Variants in SERPINB6 observed in about 807,000 individuals in gnomAD.
SERPINB6 encodes serpin B6.
A neutral mutation model predicts 26.1 loss-of-function variants in SERPINB6; 16 were observed. That is an observed-to-expected ratio of 0.61 (90% CI 0.42 to 0.93). SERPINB6 has a LOEUF of 0.93. Among genes scored for constraint, SERPINB6 ranks in the 40% least tolerant of loss-of-function variants. SERPINB6 has a pLI of 0.00. For synonymous variants in SERPINB6, 174 were observed against 176.6 expected (o/e 0.99, Z 0.11); for missense variants, 420 against 478.0 (o/e 0.88, Z 1.13).
At chr6:2,954,759 C>G (rs367576551) in intron 3 of SERPINB6, 50 bp from the exon 4 acceptor site, 1 of 1,220,946 alleles carries the variant, frequency 8.2e-7, no homozygotes, top group Non-Finnish European at 1.2e-6. Flanking sequence ...ATGATGAACA[C>G]CAACGGCCTA....
intron 5 of SERPINB6, among the ~76,000 whole-genome samples, chr6:2,952,178 G>A (rs1178797633): frequency 6.6e-6 from 1 of 152,052 alleles, no homozygotes; most frequent in Non-Finnish European, 1.5e-5. Flanking sequence ...TTTTGCCAGG[G>A]GAAAATAGCA....
intron 1 of SERPINB6, chr6:2,961,807 G>C: frequency 2.7e-5 from 27 of 984,334 alleles, no homozygotes; most frequent in Non-Finnish European, 3.3e-5. Flanking sequence ...GCTGGCCAGG[G>C]GAAGGTCCCA....
chr6:2,951,940 G>C (rs1206590343), intron 5 of SERPINB6, among the ~76,000 whole-genome samples: 1 of 152,188 alleles, frequency 6.6e-6, no homozygotes, highest in African/African-American at 2.4e-5. Flanking sequence ...AGCCAGCTCA[G>C]CCATCTTGTG....
rs1491028570 is a variant in SERPINB6, at chr6:2,951,400, AAT to A, written c.573+1642_573+1643del. On this transcript the variant is annotated intron_variant, in intron 5 of 6. Coordinates refer to ENST00000380539, the MANE Select transcript of SERPINB6 (RefSeq NM_004568.6). ...AAACTCTGTCTTGGAAAAAATAAAAAATAAAAAAAAAAAATAAGCATGGCTGT... is the reference window on the plus strand; with the variant it reads ...AAACTCTGTCTTGGAAAAAATAAAAAAAAAAAAAAAAATAAGCATGGCTGT... Among the ~76,000 whole-genome samples the A allele has an allele frequency of 1.1e-3, 165 of 150,666 alleles. 2 individuals are homozygous for A. Among genetic ancestry groups the A allele is most frequent in the African/African-American group, 3.7e-3 (150 of 40,790 alleles).
chr6:2,959,356 T>C lies in SERPINB6; in HGVS notation c.-10-14A>G. ...ATGATGGCAGACCTGGAACAAGATT[T>C]AAAATCAGTATCACTTAAGCACAGC... On this transcript the variant is annotated splice_polypyrimidine_tract_variant and intron_variant, in intron 1 of 6. Transcript: ENST00000380539. 3 of 1,612,924 alleles carry C rather than the reference T, an allele frequency of 1.9e-6. No individual in the cohort carries two copies. Among genetic ancestry groups the C allele is most frequent in the Non-Finnish European group, 2.5e-6 (3 of 1,179,970 alleles).
At chr6:2,952,299 C>A (rs527977094) in intron 5 of SERPINB6, among the ~76,000 whole-genome samples, 1 of 152,108 alleles carries the variant, frequency 6.6e-6, no homozygotes, top group Non-Finnish European at 1.5e-5. Context: ...TTCAAGTTAG[C>A]CTGGAAGATC....
intron 1 of SERPINB6, chr6:2,969,996 A>G (rs1291990373): frequency 1.1e-6 from 1 of 874,688 alleles, no homozygotes; most frequent in Non-Finnish European, 1.4e-6. Context: ...TTAGCCAGGT[A>G]TGGAGCCCGG....
intron 2 of SERPINB6, 109 bp downstream of exon 2, chr6:2,959,059 C>T (rs1273491726): frequency 2.1e-6 from 3 of 1,436,910 alleles, no homozygotes; most frequent in Admixed American, 1.8e-5. Flanking sequence ...CCACCCACAC[C>T]CTGCAATACT....
At chr6:2,959,073 C>T in intron 2 of SERPINB6, 95 bp downstream of exon 2, 1 of 1,513,670 alleles carries the variant, frequency 6.6e-7, no homozygotes. Context: ...CAATACTGCA[C>T]AGTCATCCGT....
rs1771720478 is a variant in SERPINB6, at chr6:2,967,210, C to G, written c.-11+4323G>C. The G allele has an allele frequency of 2.0e-6, 2 of 985,438 alleles. No homozygotes were observed. The highest frequency in any genetic ancestry group is 2.4e-6 in the Non-Finnish European group (2 of 829,974). 61.0% of individuals were successfully genotyped at this position (985,438 alleles called of 1,614,324 possible). A position where few individuals can be genotyped will look rare whatever the true frequency, so the allele number is the denominator to read the frequency against. On this transcript the variant is annotated intron_variant, in intron 1 of 6. Transcript: ENST00000380539. This position sits in a 1 kb window ranked among gnomAD's most constrained non-coding sequence, Gnocchi z 4.3. Reference sequence around the variant, plus strand: ...CTGTTAACCTGCCCAGGGCACAACACCCACACACAAGTTAGAAAGTTCTGC... The same window carrying G: ...CTGTTAACCTGCCCAGGGCACAACAGCCACACACAAGTTAGAAAGTTCTGC...
chr6:2,948,493 CAG>C lies in SERPINB6; in HGVS notation c.934_935del (p.Leu312ValfsTer13). On this transcript the variant is annotated frameshift_variant, in exon 7 of 7. Coordinates refer to ENST00000380539, the MANE Select transcript of SERPINB6 (RefSeq NM_004568.6). LOFTEE classifies it low-confidence loss of function (END_TRUNC). The surrounding 1 kb of genome is among the most constrained non-coding windows in gnomAD (Gnocchi z 5.0). ...CAAAAGACTTGTGCACGACCTTGGA[CAG>C]AGACAGGTCTGTCTGGGACATTCCA... ...FSGMSQTDLS[L>X]SKVVHKSFVE... 1 of 1,614,186 alleles carries C rather than the reference CAG, an allele frequency of 6.2e-7. No homozygotes were observed. The highest frequency in any genetic ancestry group is 8.5e-7 in the Non-Finnish European group (1 of 1,180,028).
rs1168478288 is a variant in SERPINB6 at position 2,959,308 on chromosome 6, C to T, written c.25G>A (p.Gly9Ser). 1 of 1,614,140 alleles carries T rather than the reference C, an allele frequency of 6.2e-7. No homozygotes were observed. The highest frequency in any genetic ancestry group is 1.3e-5 in the African/African-American group (1 of 75,026). ...TTCAAAAGGTTTAAGGCAAAGGTGCCATTTGCTTCTGCGAGAACATCCATG... is the reference window on the plus strand; with the variant it reads ...TTCAAAAGGTTTAAGGCAAAGGTGCTATTTGCTTCTGCGAGAACATCCATG... MDVLAEAN[G>S]TFALNLLKTL... The change falls in exon 2 of 7, where the codon GGC becomes AGC. Residue 9 changes from glycine (G) to serine (S), a missense_variant. Coordinates refer to ENST00000380539, the MANE Select transcript of SERPINB6 (RefSeq NM_004568.6).
At chr6:2,953,005 T>A in intron 5 of SERPINB6, 39 bp downstream of exon 5, 1 of 1,613,558 alleles carries the variant, frequency 6.2e-7, no homozygotes, top group Non-Finnish European at 8.5e-7. Flanking sequence ...GACGCTCGTG[T>A]GAACACAGGC....
At chr6:2,953,244 T>A (rs1208402445) in intron 4 of SERPINB6, 58 bp from the exon 5 acceptor site, 2 of 1,611,428 alleles carry the variant, frequency 1.2e-6, no homozygotes, top group African/African-American at 2.7e-5. Flanking sequence ...CCCCGACACA[T>A]CAGGAATCGG....
intron 3 of SERPINB6, chr6:2,955,286 G>T: frequency 1.8e-6 from 1 of 563,656 alleles, no homozygotes; most frequent in Non-Finnish European, 3.2e-6. Flanking sequence ...TCCTTTAAGG[G>T]AGCAGCCATG....
chr6:2,969,047 A>T, intron 1 of SERPINB6: 1 of 1,167,548 alleles, frequency 8.6e-7, no homozygotes, highest in Non-Finnish European at 1.1e-6. Context: ...ATCACTTCGC[A>T]ATAATGCATA....
In SERPINB6 at chr6:2,970,395, C is replaced by T. The variant is rs1317271120; in HGVS notation, c.-11+1138G>A. Reference sequence around the variant, plus strand: ...TGGATGCAATTACTCAGATACGGTCCTGAAATGAGAACAAACGCCATCTAT... The same window carrying T: ...TGGATGCAATTACTCAGATACGGTCTTGAAATGAGAACAAACGCCATCTAT... On this transcript the variant is annotated intron_variant, in intron 1 of 6. Transcript: ENST00000380539. 12 of 1,019,800 alleles carry T rather than the reference C, an allele frequency of 1.2e-5. No individual in the cohort carries two copies. In the Admixed American group the frequency reaches 6.4e-4, roughly 54 times the overall value. 63.2% of individuals were successfully genotyped at this position (1,019,800 alleles called of 1,614,324 possible).
chr6:2,969,485 T>A (rs1209878382), intron 1 of SERPINB6: 1 of 982,714 alleles, frequency 1.0e-6, no homozygotes, highest in Non-Finnish European at 1.2e-6. Flanking sequence ...GATATTAAAG[T>A]CTTATTAATG....
intron 4 of SERPINB6, 54 bp downstream of exon 4, chr6:2,954,538 C>T: frequency 1.5e-6 from 2 of 1,349,790 alleles, no homozygotes; most frequent in Non-Finnish European, 2.1e-6. Flanking sequence ...AAGGAACTGA[C>T]AATAAAATGG....
Sources: gnomAD v4.1 joint callset for allele counts (sites outside exome capture counted in the v4.1 genomes callset) on GRCh38, gnomAD v4.1.1 for gene constraint, Gnocchi (gnomAD v3.1) non-coding constraint, MANE v1.5 for transcripts, NCBI Gene and HGNC (gene_info 2026-07-23, HGNC 2026-07-21) for gene names.